Variants in CPA6 observed in about 807,000 individuals in gnomAD.
CPA6 encodes the protein carboxypeptidase B.
Under a neutral mutation model 63.3 loss-of-function variants are expected in CPA6, and 58 were observed. That is an observed-to-expected ratio of 0.92 (90% CI 0.74 to 1.14). The LOEUF is 1.14. Ranked by LOEUF, CPA6 falls within the 50% of genes most tolerant of loss-of-function variation. The pLI is 0.00. For missense variants in CPA6, 565 were observed against 526.6 expected, an observed-to-expected ratio of 1.07 and a Z score of -0.71; for synonymous variants, 185 against 179.0, an observed-to-expected ratio of 1.03 and a Z score of -0.27.
chr8:67,698,020 T>C (rs375505820), intron 1 of CPA6, among the ~76,000 whole-genome samples: 2 of 152,316 alleles, frequency 1.3e-5, no homozygotes, highest in East Asian at 3.9e-4. Flanking sequence ...GTTTATTCTG[T>C]TAGGTCCAGG....
chr8:67,718,461 G>T (rs1053010240), intron 1 of CPA6, among the ~76,000 whole-genome samples: 2 of 152,120 alleles, frequency 1.3e-5, no homozygotes, highest in African/African-American at 4.8e-5. Context: ...GGTTATGTAT[G>T]GCTGTGATGA....
chr8:67,633,478 G>C (rs562682679), intron 1 of CPA6, among the ~76,000 whole-genome samples: 166 of 152,190 alleles, frequency 1.1e-3, no homozygotes, highest in Non-Finnish European at 1.8e-3. Context: ...TCAGGAGATC[G>C]AGACCATCAT....
At chr8:67,505,668 G>C (rs1339081827) in intron 6 of CPA6, among the ~76,000 whole-genome samples, 1 of 152,136 alleles carries the variant, frequency 6.6e-6, no homozygotes, top group Non-Finnish European at 1.5e-5. Context: ...TCAATAAACT[G>C]AGTAGGAATG....
intron 6 of CPA6, among the ~76,000 whole-genome samples, chr8:67,491,231 T>C (rs1811598702): frequency 6.6e-6 from 1 of 150,948 alleles, no homozygotes; most frequent in Non-Finnish European, 1.5e-5. Context: ...AAGTTTTTTT[T>C]TTTTTTTTTT....
chr8:67,563,439 G>T (rs368751584), intron 2 of CPA6, among the ~76,000 whole-genome samples: 2 of 152,152 alleles, frequency 1.3e-5, no homozygotes, highest in Non-Finnish European at 2.9e-5. Flanking sequence ...ACTTAGGAAG[G>T]TTAGCTAAAT....
At chr8:67,540,178 GT>G (rs562700519) in intron 2 of CPA6, among the ~76,000 whole-genome samples, 13 of 147,114 alleles carry the variant, frequency 8.8e-5, no homozygotes, top group African/African-American at 2.0e-4. Flanking sequence ...CCTTTGGATG[GT>G]TTTTTTTTTC....
In CPA6 at chr8:67,422,091, A is replaced by T. The variant is rs1427014084; in HGVS notation, c.*413T>A. ...CCGGCCTATGTTTATTACATTAAGA[A>T]GCATAGTTGTTTTTTTCCATTTCAT... On this transcript the variant is annotated 3_prime_UTR_variant, in exon 11 of 11. Transcript: ENST00000297770. 6.4e-6 allele frequency: 1 copy of T among 157,310 alleles called. No individual in the cohort carries two copies. The highest frequency in any genetic ancestry group is 1.9e-4 in the East Asian group (1 of 5,392). The allele number at this position is 157,310 out of a possible 1,614,324, so 9.7% of individuals were successfully genotyped here.
At chr8:67,732,997 C>G (rs1186197648) in intron 1 of CPA6, among the ~76,000 whole-genome samples, 1 of 151,830 alleles carries the variant, frequency 6.6e-6, no homozygotes, top group Non-Finnish European at 1.5e-5. Context: ...GAGATCGAGA[C>G]GATCCCGGCT....
rs955304252 is a variant in CPA6, at chr8:67,542,386, C to T, written c.193-24339G>A. ...TAAACCAGCTACTCAGTTTCAGTGG[C>T]TCTTTGAGAAAGGTTAAGTCTTCCA... On this transcript the variant is annotated intron_variant, in intron 2 of 10. Coordinates refer to ENST00000297770, the MANE Select transcript of CPA6 (RefSeq NM_020361.5). Among the ~76,000 whole-genome samples, 3 of 152,190 alleles carry T rather than the reference C, an allele frequency of 2.0e-5. No individual in the cohort carries two copies. In the South Asian group the frequency reaches 6.2e-4, roughly 32 times the overall value.
At chr8:67,718,275 A>T (rs2129001309) in intron 1 of CPA6, among the ~76,000 whole-genome samples, 1 of 152,308 alleles carries the variant, frequency 6.6e-6, no homozygotes, top group East Asian at 1.9e-4. Flanking sequence ...GGTTTTAAGA[A>T]TTGTGAGGTA....
At chr8:67,610,021 CAACAAAACAA>C (rs112893898) in intron 2 of CPA6, among the ~76,000 whole-genome samples, 52,109 of 148,944 alleles carry the variant, frequency 0.35, 9,644 homozygotes, top group East Asian at 0.5. Flanking sequence ...GACTCCGTCT[CAACAAAACAA>C]AACAAAACAA....
chr8:67,727,865 T>C (rs10102010), intron 1 of CPA6, among the ~76,000 whole-genome samples: 23,988 of 150,910 alleles, frequency 0.16, 2,723 homozygotes, highest in African/African-American at 0.32. Flanking sequence ...GATCACGAGG[T>C]CAGGAGATCG....
At chr8:67,474,908 G>C (rs1403487324) in intron 8 of CPA6, among the ~76,000 whole-genome samples, 1 of 152,130 alleles carries the variant, frequency 6.6e-6, no homozygotes, top group African/African-American at 2.4e-5. Context: ...TTGAACCGAA[G>C]ATGTTGAGGC....
chr8:67,666,634 G>A (rs999810702), intron 1 of CPA6, among the ~76,000 whole-genome samples: 14 of 152,180 alleles, frequency 9.2e-5, no homozygotes, highest in African/African-American at 3.1e-4. Flanking sequence ...GAAAGCTCCA[G>A]GCAAGGTGCC....
intron 1 of CPA6, among the ~76,000 whole-genome samples, chr8:67,652,439 C>G (rs1372217039): frequency 6.6e-6 from 1 of 152,038 alleles, no homozygotes; most frequent in Admixed American, 6.5e-5. Context: ...GCCATTCTAA[C>G]TGGTGTGAGA....
At chr8:67,656,352 A>G (rs1815984402) in intron 1 of CPA6, among the ~76,000 whole-genome samples, 1 of 152,168 alleles carries the variant, frequency 6.6e-6, no homozygotes, top group Non-Finnish European at 1.5e-5. Flanking sequence ...CTCTTTTTCC[A>G]GTATCCCATT....
intron 2 of CPA6, among the ~76,000 whole-genome samples, chr8:67,604,102 A>G (rs1280113767): frequency 6.6e-6 from 1 of 152,224 alleles, no homozygotes; most frequent in African/African-American, 2.4e-5. Flanking sequence ...AAATAGAGCT[A>G]CAACTTATTA....
At chr8:67,675,713 G>A (rs1376721628) in intron 1 of CPA6, among the ~76,000 whole-genome samples, 2 of 152,140 alleles carry the variant, frequency 1.3e-5, no homozygotes, top group Non-Finnish European at 2.9e-5. Context: ...CTGTGGAGGG[G>A]GCTTTTTGCA....
At chr8:67,639,243 C>A (rs1815535624) in intron 1 of CPA6, among the ~76,000 whole-genome samples, 1 of 151,586 alleles carries the variant, frequency 6.6e-6, no homozygotes, top group African/African-American at 2.4e-5. Flanking sequence ...GTTGCTTCAC[C>A]AGCTGGAAAC....
Sources: gnomAD v4.1 joint callset for allele counts (sites outside exome capture counted in the v4.1 genomes callset) on GRCh38, gnomAD v4.1.1 for gene constraint, MANE v1.5 for transcripts, NCBI Gene and HGNC (gene_info 2026-07-23, HGNC 2026-07-21) for gene names.